The following TAF8 variants were observed in gnomAD, a reference collection of about 807,000 sequenced individuals.
TAF8 encodes TATA-box binding protein associated factor 8, also known as transcription initiation factor TFIID subunit 8.
A neutral mutation model predicts 36.5 loss-of-function variants in TAF8; 47 were observed. That is an observed-to-expected ratio of 1.29 (90% CI 1.02 to 1.64). TAF8 has a LOEUF of 1.64. Ranked by LOEUF, TAF8 falls within the 40% of genes most tolerant of loss-of-function variation. The pLI is 0.00. For synonymous variants in TAF8, 175 were observed against 159.5 expected (o/e 1.10, Z -0.73); for missense variants, 420 against 407.6 (o/e 1.03, Z -0.26).
intron 4 of TAF8, among the ~76,000 whole-genome samples, chr6:42,056,572 T>C (rs1419585273): frequency 6.6e-6 from 1 of 152,184 alleles, no homozygotes; most frequent in Non-Finnish European, 1.5e-5. Flanking sequence ...TTTGGGCTTG[T>C]AGGACCTGGA....
In TAF8 at chr6:42,066,411, A is replaced by G; in HGVS notation, c.589A>G (p.Thr197Ala). ...ERALTRFMAKTGETQSLFKDD... is the reference protein window; with the variant it reads ...ERALTRFMAKAGETQSLFKDD... ...GGCACTTACCCGTTTCATGGCCAAG[A>G]CAGGCGAGACTCAGAGTCTTTTCAA... The change falls in exon 6 of 9, where the codon ACA becomes GCA. Residue 197 changes from threonine (T) to alanine (A), a missense_variant. By Grantham distance (58) the Thr-to-Ala change is moderately conservative. Coordinates refer to ENST00000372977, the MANE Select transcript of TAF8 (RefSeq NM_138572.3). 1 of 1,614,230 alleles carries G rather than the reference A, an allele frequency of 6.2e-7. No individual in the cohort carries two copies.
chr6:42,053,279 G>A (rs987452094), intron 2 of TAF8, among the ~76,000 whole-genome samples: 2 of 151,964 alleles, frequency 1.3e-5, no homozygotes, highest in Non-Finnish European at 2.9e-5. Context: ...AACAAATTTT[G>A]GGTCTAGGTG....
intron 7 of TAF8, among the ~76,000 whole-genome samples, chr6:42,069,380 CTG>C (rs1386603874): frequency 4.6e-5 from 7 of 152,074 alleles, no homozygotes; most frequent in African/African-American, 1.7e-4. Context: ...TCACAGTAAA[CTG>C]AGAGATGGTA....
chr6:42,083,242 T>C lies in TAF8; in HGVS notation c.*5697T>C, dbSNP rs1296432062. On this transcript the variant is annotated 3_prime_UTR_variant, in exon 9 of 9. Transcript: ENST00000372977. ...CAGTGTATTTTTTGGTGATGTTCCA[T>C]GTCAGTAATAAAGAGCTTCTCTGTT... 1.3e-5 allele frequency: 2 copies of C among 152,226 alleles called. No homozygotes were observed. Among genetic ancestry groups the C allele is most frequent in the East Asian group, 1.9e-4 (1 of 5,194 alleles). The allele number at this position is 152,226 out of a possible 1,614,324, so 9.4% of individuals were successfully genotyped here.
intron 1 of TAF8, 66 bp downstream of exon 1, chr6:42,050,652 T>C (rs947967915): frequency 6.7e-7 from 1 of 1,490,286 alleles, no homozygotes; most frequent in Non-Finnish European, 9.0e-7. Context: ...TCCCCTCGAC[T>C]GAGCAACAAG....
At chr6:42,070,353 G>A (rs1354401545) in intron 7 of TAF8, among the ~76,000 whole-genome samples, 2 of 151,964 alleles carry the variant, frequency 1.3e-5, no homozygotes, top group African/African-American at 4.8e-5. Flanking sequence ...TTAGCCAGGC[G>A]TGGTGGCAGG....
At chr6:42,063,386 C>T (rs939060801) in intron 5 of TAF8, 9 of 151,922 alleles carry the variant, frequency 5.9e-5, no homozygotes, top group African/African-American at 2.2e-4. Flanking sequence ...TGGTCTCAAA[C>T]TCCTGGGCGC....
rs543156661 is a variant in TAF8, at chr6:42,068,373, C to T, written c.638-92C>T. 15 of 1,405,704 alleles carry T rather than the reference C, an allele frequency of 1.1e-5. No homozygotes were observed. In the South Asian group the frequency reaches 1.8e-4, roughly 17 times the overall value. 87.1% of individuals were successfully genotyped at this position (1,405,704 alleles called of 1,614,324 possible). A position where few individuals can be genotyped will look rare whatever the true frequency, so the allele number is the denominator to read the frequency against. On this transcript the variant is annotated intron_variant, in intron 6 of 8. Transcript: ENST00000372977. ...AGTTAGCTAGTATTATCTTCTGGTG[C>T]TGCTCACTGATTTGTTGTGAGGCTC...
At position 42,052,153 on chromosome 6, in the gene TAF8, A is replaced by G. The variant is rs542777937; in HGVS notation, c.202+640A>G. Among the ~76,000 whole-genome samples, 25 of 152,282 alleles carry G rather than the reference A, an allele frequency of 1.6e-4. No individual in the cohort carries two copies. In the South Asian group the frequency reaches 3.9e-3, roughly 24 times the overall value. ...GGATTTGTGAGTGTAAGTGAGATGT[A>G]TATATAAAACATTCAGTGCTGGGGA... On this transcript the variant is annotated intron_variant, in intron 2 of 8. Transcript: ENST00000372977.
intron 1 of TAF8, 77 bp from the exon 2 acceptor site, chr6:42,051,280 T>C (rs1764771090): frequency 5.0e-6 from 7 of 1,394,152 alleles, no homozygotes; most frequent in Non-Finnish European, 6.8e-6. Context: ...AAAATAACTT[T>C]GCTTGCCGTT....
intron 7 of TAF8, among the ~76,000 whole-genome samples, chr6:42,073,294 GTTTA>G (rs1315421129): frequency 6.6e-6 from 1 of 152,212 alleles, no homozygotes; most frequent in African/African-American, 2.4e-5. Context: ...CTCAACCAGT[GTTTA>G]TTTAGCACCT....
chr6:42,056,005 A>G lies in TAF8; in HGVS notation c.355A>G (p.Ile119Val). 1 of 1,610,806 alleles carries G rather than the reference A, an allele frequency of 6.2e-7. No homozygotes were observed. Among genetic ancestry groups the G allele is most frequent in the Non-Finnish European group, 8.5e-7 (1 of 1,176,926 alleles). The change falls in exon 4 of 9, where the codon ATC becomes GTC. Residue 119 changes from isoleucine to valine, a missense_variant. By Grantham distance (29) the Ile-to-Val change is conservative (BLOSUM62 3). Coordinates refer to ENST00000372977, the MANE Select transcript of TAF8 (RefSeq NM_138572.3). Reference sequence around the variant, plus strand: ...TGCAAAACGGTCTCAGAGGATGGTCATCACTGCTCGTAAGTGACTTTGAAC... The same window carrying G: ...TGCAAAACGGTCTCAGAGGATGGTCGTCACTGCTCGTAAGTGACTTTGAAC... ...AYAKRSQRMV[I>V]TAPPVTNQPV...
At chr6:42,059,065 G>A (rs1285104796) in intron 5 of TAF8, among the ~76,000 whole-genome samples, 4 of 152,062 alleles carry the variant, frequency 2.6e-5, no homozygotes, top group Non-Finnish European at 5.9e-5. Context: ...TGAGCCAGGA[G>A]TGCTGATTGG....
At chr6:42,073,299 T>G (rs1208347684) in intron 7 of TAF8, among the ~76,000 whole-genome samples, 3 of 152,230 alleles carry the variant, frequency 2.0e-5, no homozygotes, top group Non-Finnish European at 2.9e-5. Flanking sequence ...CCAGTGTTTA[T>G]TTAGCACCTA....
At chr6:42,073,014 C>T (rs952440169) in intron 7 of TAF8, among the ~76,000 whole-genome samples, 13 of 152,188 alleles carry the variant, frequency 8.5e-5, no homozygotes, top group East Asian at 3.9e-4. Context: ...TGAGCCACCA[C>T]GCCCAGCCAA....
intron 2 of TAF8, among the ~76,000 whole-genome samples, chr6:42,052,324 C>CT (rs1554170173): frequency 6.6e-6 from 1 of 151,066 alleles, no homozygotes; most frequent in African/African-American, 2.4e-5. Context: ...AAAGCCCCCC[C>CT]CCCCTTTTTT....
chr6:42,086,822 C>A (rs899793419), downstream of TAF8: 12 of 1,406,040 alleles, frequency 8.5e-6, no homozygotes, highest in African/African-American at 1.4e-4. Context: ...AAGAAAGACA[C>A]ACACGGAAGC....
Position 42,079,616 on chromosome 6 carries a change from A to G in TAF8, c.*2071A>G. ...CTCGCTGTGTCGCCCCAGCTGGAGTATAGTGGCACTACCTCGGCTCACTGC... is the reference window on the plus strand; with the variant it reads ...CTCGCTGTGTCGCCCCAGCTGGAGTGTAGTGGCACTACCTCGGCTCACTGC... On this transcript the variant is annotated 3_prime_UTR_variant, in exon 9 of 9. Transcript: ENST00000372977. 1.0e-6 allele frequency: 1 copy of G among 965,766 alleles called. No individual in the cohort carries two copies. The highest frequency in any genetic ancestry group is 1.2e-6 in the Non-Finnish European group (1 of 812,280). The allele number at this position is 965,766 out of a possible 1,614,324, so 59.8% of individuals were successfully genotyped here. A position where few individuals can be genotyped will look rare whatever the true frequency, so the allele number is the denominator to read the frequency against.
At chr6:42,055,859 G>C (rs2127450416) in intron 3 of TAF8, 93 bp from the exon 4 acceptor site, 3 of 921,662 alleles carry the variant, frequency 3.3e-6, no homozygotes. Context: ...TCATTGAGTT[G>C]AGAGTTTAAG....
Sources: gnomAD v4.1 joint callset for allele counts (sites outside exome capture counted in the v4.1 genomes callset) on GRCh38, gnomAD v4.1.1 for gene constraint, MANE v1.5 for transcripts, NCBI Gene and HGNC (gene_info 2026-07-23, HGNC 2026-07-21) for gene names.